DLC1: variants seen among roughly 807,000 people sequenced by gnomAD.
DLC1 encodes DLC1 Rho GTPase activating protein.
Under a neutral mutation model 140.3 loss-of-function variants are expected in DLC1, and 54 were observed. That is an observed-to-expected ratio of 0.38 (90% CI 0.31 to 0.48). DLC1 has a LOEUF of 0.48. Among genes scored for constraint, DLC1 ranks in the 20% least tolerant of loss-of-function variants. The pLI, the probability that DLC1 is intolerant of heterozygous loss-of-function variation, is 0.96. For synonymous variants in DLC1, 986 were observed against 728.1 expected, an observed-to-expected ratio of 1.35 and a Z score of -5.70; for missense variants, 2,536 against 1,907.0, an observed-to-expected ratio of 1.33 and a Z score of -6.14.
At chr8:13,397,606 A>T (rs1431779131) in intron 3 of DLC1, among the ~76,000 whole-genome samples, 1 of 151,930 alleles carries the variant, frequency 6.6e-6, no homozygotes, top group Admixed American at 6.6e-5. Flanking sequence ...AGGTGGGAAG[A>T]CTGCTTGAGG....
At chr8:13,259,796 G>GTT (rs367852891) in intron 5 of DLC1, among the ~76,000 whole-genome samples, 7 of 148,142 alleles carry the variant, frequency 4.7e-5, no homozygotes, top group African/African-American at 1.7e-4. Context: ...CAACAGATGG[G>GTT]TTTTTTTTTT....
intron 1 of DLC1, among the ~76,000 whole-genome samples, chr8:13,548,066 TGA>T (rs987678803): frequency 2.0e-5 from 3 of 152,038 alleles, no homozygotes; most frequent in African/African-American, 7.2e-5. Context: ...TTTCAAACCC[TGA>T]GTTATTTGAA....
intron 5 of DLC1, among the ~76,000 whole-genome samples, chr8:13,224,953 C>T (rs907282188): frequency 6.6e-6 from 1 of 152,196 alleles, no homozygotes; most frequent in African/African-American, 2.4e-5. Context: ...GGAAGATGAG[C>T]TCTTCACTTA....
chr8:13,479,036 T>C (rs892457801), intron 2 of DLC1, among the ~76,000 whole-genome samples: 1 of 152,220 alleles, frequency 6.6e-6, no homozygotes, highest in African/African-American at 2.4e-5. Flanking sequence ...GCTTCTAGGA[T>C]TCCACTCTGA....
intron 1 of DLC1, among the ~76,000 whole-genome samples, chr8:13,527,873 T>G (rs955859789): frequency 1.3e-5 from 2 of 152,160 alleles, no homozygotes; most frequent in Non-Finnish European, 2.9e-5. Context: ...TTATATTTTC[T>G]TGGAATAGAG....
intron 5 of DLC1, among the ~76,000 whole-genome samples, chr8:13,222,563 G>A (rs956449081): frequency 6.6e-6 from 1 of 152,212 alleles, no homozygotes; most frequent in African/African-American, 2.4e-5. Context: ...TTTCAAAACT[G>A]TCTCCCAAAT....
At chr8:13,306,513 A>G (rs1209283888) in intron 4 of DLC1, among the ~76,000 whole-genome samples, 1 of 151,542 alleles carries the variant, frequency 6.6e-6, no homozygotes, top group African/African-American at 2.4e-5. Context: ...CTCAGAGTTG[A>G]AGTAAGAAAA....
At chr8:13,425,164 G>A (rs1286548558) in intron 2 of DLC1, among the ~76,000 whole-genome samples, 1 of 151,672 alleles carries the variant, frequency 6.6e-6, no homozygotes, top group African/African-American at 2.4e-5. Flanking sequence ...AAATATGCAA[G>A]CTCCATAGAT....
At chr8:13,251,999 T>G (rs1039348494) in intron 5 of DLC1, among the ~76,000 whole-genome samples, 1 of 152,190 alleles carries the variant, frequency 6.6e-6, no homozygotes, top group African/African-American at 2.4e-5. Context: ...AGTGATATTC[T>G]TTTAGACAGG....
intron 5 of DLC1, among the ~76,000 whole-genome samples, chr8:13,154,620 C>T (rs1225953919): frequency 6.6e-6 from 1 of 152,206 alleles, no homozygotes; most frequent in African/African-American, 2.4e-5. Flanking sequence ...TGGCTCTGGT[C>T]TCAGCCAGCC....
At chr8:13,381,460 G>A (rs542804242) in intron 4 of DLC1, among the ~76,000 whole-genome samples, 38 of 152,170 alleles carry the variant, frequency 2.5e-4, no homozygotes, top group Admixed American at 1.0e-3. Context: ...ACATTGATTA[G>A]GATAGGTTCA....
chr8:13,089,179 A>G (rs2128927822), intron 15 of DLC1, among the ~76,000 whole-genome samples: 1 of 152,068 alleles, frequency 6.6e-6, no homozygotes, highest in East Asian at 1.9e-4. Context: ...GAATCACTTG[A>G]ACCTAGGAGG....
chr8:13,429,046 T>C (rs1286231797), intron 2 of DLC1, among the ~76,000 whole-genome samples: 1 of 152,190 alleles, frequency 6.6e-6, no homozygotes, highest in Non-Finnish European at 1.5e-5. Flanking sequence ...AGTTATTAGA[T>C]AAACTCTGAT....
intron 1 of DLC1, among the ~76,000 whole-genome samples, chr8:13,580,149 G>T (rs1447020026): frequency 6.7e-6 from 1 of 148,538 alleles, no homozygotes; most frequent in African/African-American, 2.5e-5. Context: ...TTGAGACAGA[G>T]TTTTGCTCTG....
chr8:13,296,354 A>G (rs1385050935), intron 5 of DLC1, among the ~76,000 whole-genome samples: 1 of 152,140 alleles, frequency 6.6e-6, no homozygotes, highest in African/African-American at 2.4e-5. Flanking sequence ...AAGATTGAAA[A>G]TAACATATTA....
intron 2 of DLC1, among the ~76,000 whole-genome samples, chr8:13,431,635 A>G (rs1336619815): frequency 6.6e-6 from 1 of 152,096 alleles, no homozygotes; most frequent in African/African-American, 2.4e-5. Context: ...CCTGAAATTC[A>G]AGACATACAT....
intron 4 of DLC1, among the ~76,000 whole-genome samples, chr8:13,379,055 A>C (rs1051362296): frequency 6.6e-6 from 1 of 152,198 alleles, no homozygotes; most frequent in East Asian, 1.9e-4. Context: ...TTTGATGATA[A>C]CATTTTAATG....
intron 2 of DLC1, among the ~76,000 whole-genome samples, chr8:13,449,502 G>A (rs1798944343): frequency 6.6e-6 from 1 of 152,130 alleles, no homozygotes; most frequent in African/African-American, 2.4e-5. Flanking sequence ...CACAAGACAG[G>A]ATTTAGGAAC....
chr8:13,149,846 C>A (rs1281710847), intron 5 of DLC1, among the ~76,000 whole-genome samples: 2 of 152,220 alleles, frequency 1.3e-5, no homozygotes, highest in Admixed American at 6.5e-5. Flanking sequence ...CTGGGGGCGT[C>A]AGGCCTCTTG....
Sources: allele counts gnomAD v4.1 joint callset (sites outside exome capture counted in the v4.1 genomes callset), GRCh38; gene constraint gnomAD v4.1.1; transcripts MANE v1.5; gene names NCBI Gene and HGNC (gene_info 2026-07-23, HGNC 2026-07-21).